Variants in MEAK7 observed in about 807,000 individuals in gnomAD.
MEAK7 encodes MTOR associated protein MEAK7.
MEAK7 carries 68 observed loss-of-function variants against 40.5 expected under a neutral mutation model. That is an observed-to-expected ratio of 1.68 (90% CI 1.38 to 2.06). MEAK7 has a LOEUF of 2.06. Among genes scored for constraint, MEAK7 ranks in the 30% most tolerant of loss-of-function variants. The probability of loss-of-function intolerance (pLI) is 0.00; values close to 1 mark genes in which losing one functional copy is unlikely to be tolerated. For synonymous variants in MEAK7, 338 were observed against 231.9 expected, an observed-to-expected ratio of 1.46 and a Z score of -4.16; for missense variants, 918 against 580.5, an observed-to-expected ratio of 1.58 and a Z score of -5.98.
intron 1 of MEAK7, among the ~76,000 whole-genome samples, chr16:84,502,533 G>A (rs1170093010): frequency 6.6e-6 from 1 of 152,066 alleles, no homozygotes; most frequent in Non-Finnish European, 1.5e-5. Flanking sequence ...GCTTTGCAGA[G>A]AAGAGGCCAC....
intron 1 of MEAK7, among the ~76,000 whole-genome samples, chr16:84,500,563 G>A (rs1445961521): frequency 6.6e-6 from 1 of 152,198 alleles, no homozygotes; most frequent in Non-Finnish European, 1.5e-5. Flanking sequence ...CTCCTTGGAA[G>A]GGGATGGGGG....
At position 84,498,038 on chromosome 16, in the gene MEAK7, G is replaced by C. The variant is rs756387947; in HGVS notation, c.49C>G (p.Leu17Val). Residue 17 changes from leucine (L) to valine (V), a missense_variant, in exon 2 of 8, where the codon CTT becomes GTT. Leu to Val is a conservative substitution (Grantham distance 32, BLOSUM62 1). Transcript: ENST00000343629. ...TCAATCTCTGCCTGTTCCTCAGGAA[G>C]AAACTGTGAACAAAAGCTCCGCCCC... ...RVGRSFCSQF[L>V]PEEQAEIDQL... is the part of the protein sequence containing the mutation. The C allele has an allele frequency of 1.9e-6, 3 of 1,614,120 alleles. No homozygotes were observed. Among genetic ancestry groups the C allele is most frequent in the Admixed American group, 3.3e-5 (2 of 59,998 alleles).
chr16:84,477,761 A>G lies in MEAK7; in HGVS notation c.*2152T>C, dbSNP rs1242128359. 1 of 152,116 alleles carries G rather than the reference A, an allele frequency of 6.6e-6. No homozygotes were observed. 9.4% of individuals were successfully genotyped at this position (152,116 alleles called of 1,614,324 possible). ...AGCCAGGTAAGGTACTGTCAGGTCC[A>G]CTGGCCCCAGCCCTGCACACGCCCT... On this transcript the variant is annotated 3_prime_UTR_variant, in exon 8 of 8. Transcript: ENST00000343629.
At chr16:84,486,289 G>C in intron 5 of MEAK7, 1 of 326,034 alleles carries the variant, frequency 3.1e-6, no homozygotes, top group East Asian at 9.0e-5. Flanking sequence ...GGGCAGGAAG[G>C]CCCAGGGAAG....
At chr16:84,482,566 G>A in intron 6 of MEAK7, 26 bp downstream of exon 6, 1 of 1,613,906 alleles carries the variant, frequency 6.2e-7, no homozygotes. Context: ...ACCAAGGCAA[G>A]ACCACCACGC....
intron 3 of MEAK7, among the ~76,000 whole-genome samples, chr16:84,492,946 C>A (rs1167613844): frequency 6.6e-6 from 1 of 152,138 alleles, no homozygotes. Flanking sequence ...AAAATTCAGT[C>A]CTTTTGACCT....
chr16:84,493,105 A>T (rs756317814), intron 3 of MEAK7, among the ~76,000 whole-genome samples: 40 of 152,166 alleles, frequency 2.6e-4, no homozygotes, highest in Non-Finnish European at 5.1e-4. Flanking sequence ...TGTTATTAGT[A>T]TGTGTTCCAA....
At chr16:84,481,899 A>C (rs1380337657) in intron 6 of MEAK7, among the ~76,000 whole-genome samples, 1 of 152,098 alleles carries the variant, frequency 6.6e-6, no homozygotes, top group African/African-American at 2.4e-5. Context: ...GCGCCACTGC[A>C]CTCCAGCCTG....
At chr16:84,497,461 G>A (rs899670792) in intron 2 of MEAK7, 1 of 1,289,856 alleles carries the variant, frequency 7.8e-7, no homozygotes. Flanking sequence ...CATGGTTCCT[G>A]GACCGACGAG....
chr16:84,481,857 C>G (rs571917591), intron 6 of MEAK7, among the ~76,000 whole-genome samples: 25 of 152,110 alleles, frequency 1.6e-4, no homozygotes, highest in Non-Finnish European at 2.8e-4. Context: ...TGGCGTGAAC[C>G]TGGGAGGCGG....
chr16:84,504,114 TACATGGCCTGGGA>T, intron 1 of MEAK7: 2 of 985,472 alleles, frequency 2.0e-6, no homozygotes, highest in Non-Finnish European at 2.4e-6. Flanking sequence ...GCTGGCCACC[TACATGGCCTGGGA>T]ACAGTTATCA....
intron 3 of MEAK7, 42 bp downstream of exon 3, chr16:84,495,641 A>C: frequency 1.3e-6 from 2 of 1,599,430 alleles, no homozygotes; most frequent in Non-Finnish European, 1.7e-6. Context: ...ATGGTCACCA[A>C]GACTGCTGAG....
At chr16:84,497,349 T>A in intron 2 of MEAK7, 1 of 1,178,354 alleles carries the variant, frequency 8.5e-7, no homozygotes, top group Non-Finnish European at 1.1e-6. Context: ...CCCTGCAAGA[T>A]GAGCCTTGAA....
intron 3 of MEAK7, among the ~76,000 whole-genome samples, chr16:84,494,361 G>T (rs1597956598): frequency 6.6e-6 from 1 of 152,110 alleles, no homozygotes; most frequent in East Asian, 1.9e-4. Context: ...CTACAATTTG[G>T]ACTGAACCCT....
chr16:84,489,326 G>C lies in MEAK7; in HGVS notation c.481C>G (p.Arg161Gly). 1 of 1,613,158 alleles carries C rather than the reference G, an allele frequency of 6.2e-7. No homozygotes were observed. Among genetic ancestry groups the C allele is most frequent in the African/African-American group, 1.3e-5 (1 of 75,034 alleles). The change falls in exon 4 of 8, where the codon CGG (arginine) becomes GGG (glycine). Residue 161 changes from arginine to glycine, a missense_variant. Arg to Gly is a moderately radical substitution (Grantham distance 125). Coordinates refer to ENST00000343629, the MANE Select transcript of MEAK7 (RefSeq NM_020947.4). ...TGKEAPGPNP[R>G]VQVLAAQLLS... is the part of the protein sequence containing the mutation. ...AGCTGAGCAGCCAGCACCTGCACCC[G>C]GGGGTTGGGCCCTGGGGCTTCCTTC... is the stretch of plus-strand genomic sequence containing the variant.
rs148673734 is a variant in MEAK7, at chr16:84,486,844, G to A, written c.745C>T (p.Leu249Phe). ...TGGGCGTTGATGTACATGACAGAGA[G>A]GACATCCAGGATGCTCTCAAAACCC... is the stretch of plus-strand genomic sequence containing the variant. Reference protein sequence around the residue: ...GRGFESILDVLSVMYINAQLP... With the variant: ...GRGFESILDVFSVMYINAQLP... The change falls in exon 5 of 8, where the codon CTC becomes TTC. Residue 249 changes from leucine (L) to phenylalanine (F), a missense_variant. Transcript: ENST00000343629. 25 of 1,614,032 alleles carry A rather than the reference G, an allele frequency of 1.5e-5. No individual in the cohort carries two copies. The African/African-American group carries it at 2.7e-4, about 17-fold the overall frequency.
At chr16:84,490,805 G>A (rs913632820) in intron 3 of MEAK7, among the ~76,000 whole-genome samples, 2 of 151,670 alleles carry the variant, frequency 1.3e-5, no homozygotes, top group Non-Finnish European at 2.9e-5. Context: ...TTGCTTCTGC[G>A]TGTCTCTCCT....
chr16:84,483,643 G>A (rs982771805), intron 5 of MEAK7, among the ~76,000 whole-genome samples: 1 of 152,230 alleles, frequency 6.6e-6, no homozygotes, highest in African/African-American at 2.4e-5. Flanking sequence ...CAAGCCAACA[G>A]GGCTCAGTCT....
chr16:84,503,173 A>G (rs1914637261), intron 1 of MEAK7, among the ~76,000 whole-genome samples: 1 of 151,364 alleles, frequency 6.6e-6, no homozygotes, highest in African/African-American at 2.4e-5. Context: ...CCCACTAACA[A>G]TAACTGATAA....
Sources: allele counts gnomAD v4.1 joint callset (sites outside exome capture counted in the v4.1 genomes callset), GRCh38; gene constraint gnomAD v4.1.1; transcripts MANE v1.5; gene names NCBI Gene and HGNC (gene_info 2026-07-23, HGNC 2026-07-21).